The following TENM2 variants were observed in gnomAD, a reference collection of about 807,000 sequenced individuals.
TENM2 encodes teneurin-2.
In TENM2, 52 loss-of-function variants were observed where a neutral mutation model predicts 245.2. The observed-to-expected ratio is 0.21, with a 90% CI of 0.17 to 0.27. The LOEUF is 0.27. TENM2 is among the 10% of genes least tolerant of loss of function. The probability of loss-of-function intolerance (pLI) is 1.00; values close to 1 mark genes in which losing one functional copy is unlikely to be tolerated. For missense variants in TENM2, 3,046 were observed against 3,666.8 expected, an observed-to-expected ratio of 0.83 and a Z score of 4.37; for synonymous variants, 1,363 against 1,438.9, an observed-to-expected ratio of 0.95 and a Z score of 1.19.
In TENM2 at chr5:167,558,881, G is replaced by GA. The variant is rs112300996; in HGVS notation, c.502+183422dup. Among the ~76,000 whole-genome samples the GA allele has an allele frequency of 9.8e-3, 1,249 of 127,934 alleles. 7 individuals carry two copies. Among genetic ancestry groups the GA allele is most frequent in the East Asian group, 0.059 (265 of 4,456 alleles). The allele number at this position is 127,934 out of a possible 152,430, so 83.9% of individuals were successfully genotyped here. A position where few individuals can be genotyped will look rare whatever the true frequency, so the allele number is the denominator to read the frequency against. ...AAGGTTGGGGACTGCTGGTCCAAGG[G>GA]AAAAAAAAAAAAAACTGAGTACATA... On this transcript the variant is annotated intron_variant, in intron 2 of 28. Coordinates refer to ENST00000518659, the Ensembl canonical transcript of TENM2.
intron 12 of TENM2, among the ~76,000 whole-genome samples, chr5:168,141,863 G>A (rs546018537): frequency 6.6e-5 from 10 of 152,240 alleles, no homozygotes; most frequent in East Asian, 1.9e-4. Flanking sequence ...CTCTCAAAGC[G>A]TCAGACGGAT....
rs558250939 is a variant in TENM2 at position 168,153,250 on chromosome 5, C to T, written c.2423-9361C>T. On this transcript the variant is annotated intron_variant, in intron 12 of 28. Coordinates refer to ENST00000518659, the Ensembl canonical transcript of TENM2. ...AAAGGAAAGAAACTGATGTCTGGGT[C>T]GCTTCCTCAGAGATTGTGATTTAAT... is the stretch of plus-strand genomic sequence containing the variant. Among the ~76,000 whole-genome samples the T allele has an allele frequency of 2.6e-3, 400 of 152,194 alleles. 2 individuals carry two copies. The highest frequency in any genetic ancestry group is 6.8e-3 in the Middle Eastern group (2 of 294).
chr5:167,044,992 T>A, the TENM2 span, among the ~76,000 whole-genome samples: 137 of 152,046 alleles, frequency 9.0e-4, no homozygotes, highest in Non-Finnish European at 1.8e-3. Context: ...ATTTGAGCAC[T>A]TTCAGAAGCT....
At chr5:167,071,858 C>T in the TENM2 span, among the ~76,000 whole-genome samples, 1 of 150,570 alleles carries the variant, frequency 6.6e-6, no homozygotes, top group African/African-American at 2.4e-5. Flanking sequence ...TCCATTTTCC[C>T]TATTGAATTT....
intron 2 of TENM2, among the ~76,000 whole-genome samples, chr5:167,858,631 G>C (rs1248465936): frequency 6.6e-6 from 1 of 151,668 alleles, no homozygotes; most frequent in Non-Finnish European, 1.5e-5. Context: ...GCGCGGCTGC[G>C]CTGCGGCCCG....
Position 167,682,765 on chromosome 5 carries a change from A to G in TENM2, c.503-193221A>G, listed in dbSNP as rs76367331. Among the ~76,000 whole-genome samples, 61 of 152,190 alleles carry G rather than the reference A, an allele frequency of 4.0e-4. No individual in the cohort carries two copies. In the East Asian group the frequency reaches 7.6e-3, roughly 19 times the overall value. ...ACGGCCTGGGGATTAGAGACTCCCAACTTTAGATGGTATAGGCACAGAACT... is the reference window on the plus strand; with the variant it reads ...ACGGCCTGGGGATTAGAGACTCCCAGCTTTAGATGGTATAGGCACAGAACT... On this transcript the variant is annotated intron_variant, in intron 2 of 28. Coordinates refer to ENST00000518659, the Ensembl canonical transcript of TENM2.
intron 2 of TENM2, among the ~76,000 whole-genome samples, chr5:167,571,362 AACTGAGC>A (rs2127660601): frequency 6.6e-6 from 1 of 152,312 alleles, no homozygotes; most frequent in African/African-American, 2.4e-5. Flanking sequence ...TGGTTCCAAA[AACTGAGC>A]ACTTAACTAC....
chr5:167,150,762 A>G, the TENM2 span, among the ~76,000 whole-genome samples: 1 of 152,224 alleles, frequency 6.6e-6, no homozygotes, highest in Admixed American at 6.5e-5. Context: ...AAAACCTCTC[A>G]CAAGATTTCA....
chr5:168,016,054 T>C (rs768036030), intron 5 of TENM2, among the ~76,000 whole-genome samples: 4 of 152,212 alleles, frequency 2.6e-5, no homozygotes, highest in Non-Finnish European at 5.9e-5. Context: ...GGGACAAGCA[T>C]GCACCTTTCC....
At chr5:167,546,667 T>C (rs924036610) in intron 2 of TENM2, among the ~76,000 whole-genome samples, 1 of 152,128 alleles carries the variant, frequency 6.6e-6, no homozygotes, top group African/African-American at 2.4e-5. Context: ...ATGATTTAGG[T>C]GTCCTACGGA....
At chr5:168,096,440 A>T (rs146287288) in intron 8 of TENM2, among the ~76,000 whole-genome samples, 129 of 152,362 alleles carry the variant, frequency 8.5e-4, no homozygotes, top group Non-Finnish European at 1.7e-3. Flanking sequence ...GTTGTTACAC[A>T]TTAAGGAAAC....
At chr5:167,157,361 T>C in the TENM2 span, among the ~76,000 whole-genome samples, 4 of 152,202 alleles carry the variant, frequency 2.6e-5, no homozygotes, top group Non-Finnish European at 5.9e-5. Flanking sequence ...CCTGCTTCCT[T>C]CTGGCCAGGT....
the TENM2 span, among the ~76,000 whole-genome samples, chr5:167,161,161 A>G: frequency 6.6e-6 from 1 of 152,194 alleles, no homozygotes; most frequent in Non-Finnish European, 1.5e-5. Flanking sequence ...TAATATGCAA[A>G]TGTGCATTGT....
chr5:167,593,283 A>C (rs1393709934), intron 2 of TENM2, among the ~76,000 whole-genome samples: 1 of 152,208 alleles, frequency 6.6e-6, no homozygotes, highest in Non-Finnish European at 1.5e-5. Flanking sequence ...AGAATATTTG[A>C]TCTGACCCTC....
At chr5:167,797,075 G>A (rs77884634) in intron 2 of TENM2, among the ~76,000 whole-genome samples, 2,331 of 152,234 alleles carry the variant, frequency 0.015, 54 homozygotes, top group East Asian at 0.1. Flanking sequence ...ATGGTAATAC[G>A]GAAGTGGAAT....
intron 2 of TENM2, among the ~76,000 whole-genome samples, chr5:167,435,587 A>G (rs1300955728): frequency 6.6e-6 from 1 of 152,150 alleles, no homozygotes; most frequent in Non-Finnish European, 1.5e-5. Context: ...ACTAATACAG[A>G]AAATTGGTAC....
rs1286055924 is a variant in TENM2 at position 168,244,913 on chromosome 5, G to A, written c.5817+197G>A. Among the ~76,000 whole-genome samples the A allele has an allele frequency of 6.6e-6, 1 of 151,956 alleles. No individual in the cohort carries two copies. The highest frequency in any genetic ancestry group is 6.6e-5 in the Admixed American group (1 of 15,248). The stretch of plus-strand genomic sequence containing the variant: ...GCCTCCTGGGTAGCTGTGACTACAG[G>A]CACATGTCACCACGCCCGGCTAATT... On this transcript the variant is annotated intron_variant, in intron 26 of 28. Transcript: ENST00000518659. This position sits in a 1 kb window ranked among gnomAD's most constrained non-coding sequence, Gnocchi z 4.9.
chr5:167,357,069 A>AT (rs927006421), intron 1 of TENM2, among the ~76,000 whole-genome samples: 11 of 151,958 alleles, frequency 7.2e-5, no homozygotes, highest in Middle Eastern at 6.8e-3. Flanking sequence ...TCAAGTCGAC[A>AT]TTTTTTTTAA....
intron 3 of TENM2, among the ~76,000 whole-genome samples, chr5:167,942,700 C>T (rs1343489998): frequency 2.0e-5 from 3 of 152,106 alleles, no homozygotes; most frequent in Non-Finnish European, 2.9e-5. Flanking sequence ...TGCTCAGCAG[C>T]GGGGTACTTC....
Sources: allele counts gnomAD v4.1 joint callset (sites outside exome capture counted in the v4.1 genomes callset), GRCh38; gene constraint gnomAD v4.1.1; non-coding constraint Gnocchi (gnomAD v3.1); transcripts MANE v1.5; gene names NCBI Gene and HGNC (gene_info 2026-07-23, HGNC 2026-07-21).